Variants in PRLR observed in about 807,000 individuals in gnomAD.
PRLR encodes the protein prolactin receptor.
A neutral mutation model predicts 40.2 loss-of-function variants in PRLR; 13 were observed. The ratio of observed to expected loss-of-function variants is 0.32; its 90% CI spans 0.21 to 0.51. PRLR has a LOEUF of 0.51. PRLR is among the 20% of genes least tolerant of loss of function. PRLR has a pLI of 0.97. For missense variants in PRLR, 656 were observed against 747.3 expected (o/e 0.88, Z 1.42); for synonymous variants, 269 against 278.7 (o/e 0.97, Z 0.35).
intron 2 of PRLR, among the ~76,000 whole-genome samples, chr5:35,113,274 TATCCATCC>T (rs146132323): frequency 0.045 from 6,103 of 135,924 alleles, 377 homozygotes; most frequent in East Asian, 0.16. Context: ...CCCACCCATT[TATCCATCC>T]ATCCATCCAT....
chr5:35,149,114 C>A (rs1774270821), intron 1 of PRLR, among the ~76,000 whole-genome samples: 1 of 152,106 alleles, frequency 6.6e-6, no homozygotes, highest in Non-Finnish European at 1.5e-5. Flanking sequence ...TAATCTTTAT[C>A]TGAAATTCTT....
intron 2 of PRLR, among the ~76,000 whole-genome samples, chr5:35,099,659 G>A (rs1771744222): frequency 6.6e-6 from 1 of 152,140 alleles, no homozygotes; most frequent in African/African-American, 2.4e-5. Context: ...AACTTCAAGT[G>A]GGACAAGATG....
At chr5:35,175,298 A>C (rs1775114977) in intron 1 of PRLR, among the ~76,000 whole-genome samples, 1 of 152,196 alleles carries the variant, frequency 6.6e-6, no homozygotes, top group African/African-American at 2.4e-5. Context: ...TCCCTGCACA[A>C]GCTCTCTCTC....
chr5:35,216,340 G>T (rs554567548), intron 1 of PRLR, among the ~76,000 whole-genome samples: 38 of 152,088 alleles, frequency 2.5e-4, no homozygotes, highest in Admixed American at 2.2e-3. Flanking sequence ...TCTCAGGAAG[G>T]TTCAGTTTGG....
intron 1 of PRLR, among the ~76,000 whole-genome samples, chr5:35,219,998 C>T (rs926488943): frequency 2.0e-5 from 3 of 152,160 alleles, no homozygotes; most frequent in Non-Finnish European, 4.4e-5. Flanking sequence ...GAATCCAACA[C>T]CTCTTCCACC....
intron 1 of PRLR, among the ~76,000 whole-genome samples, chr5:35,124,634 C>T (rs184682270): frequency 1.4e-4 from 21 of 152,214 alleles, no homozygotes; most frequent in African/African-American, 4.8e-4. Flanking sequence ...AAAAGAAGTT[C>T]CTTGTACGAA....
chr5:35,132,068 C>T (rs1773702299), intron 1 of PRLR, among the ~76,000 whole-genome samples: 1 of 152,202 alleles, frequency 6.6e-6, no homozygotes, highest in Non-Finnish European at 1.5e-5. Context: ...AATCCTCACT[C>T]TGGCTTTGAT....
intron 1 of PRLR, among the ~76,000 whole-genome samples, chr5:35,210,885 A>AT (rs1776152409): frequency 6.6e-6 from 1 of 151,872 alleles, no homozygotes; most frequent in South Asian, 2.1e-4. Flanking sequence ...TAATTTTTTA[A>AT]TTTTTTTGTA....
chr5:35,206,442 C>T (rs958334420), intron 1 of PRLR, among the ~76,000 whole-genome samples: 1 of 151,942 alleles, frequency 6.6e-6, no homozygotes, highest in Non-Finnish European at 1.5e-5. Flanking sequence ...TGTTGCTGAA[C>T]AGATCACATA....
intron 9 of PRLR, among the ~76,000 whole-genome samples, chr5:35,067,467 A>T (rs761468540): frequency 2.6e-5 from 4 of 152,090 alleles, no homozygotes; most frequent in East Asian, 1.9e-4. Context: ...GATATTTGCA[A>T]CCAAAGTGAA....
chr5:35,165,000 T>G (rs1305905813), intron 1 of PRLR, among the ~76,000 whole-genome samples: 1 of 152,100 alleles, frequency 6.6e-6, no homozygotes, highest in Non-Finnish European at 1.5e-5. Flanking sequence ...AAATAAAGAG[T>G]CCCCTTAGTA....
intron 1 of PRLR, among the ~76,000 whole-genome samples, chr5:35,137,261 A>C (rs528663351): frequency 4.6e-5 from 7 of 152,348 alleles, no homozygotes; most frequent in African/African-American, 1.7e-4. Flanking sequence ...AAGTGACTGG[A>C]CTGTAGTTTG....
chr5:35,113,457 CCA>C (rs1328809907), intron 2 of PRLR, among the ~76,000 whole-genome samples: 6 of 136,672 alleles, frequency 4.4e-5, no homozygotes, highest in Non-Finnish European at 6.2e-5. Context: ...ACCTATCCAT[CCA>C]TCCATCCATC....
intron 1 of PRLR, among the ~76,000 whole-genome samples, chr5:35,222,924 T>A (rs543167817): frequency 3.5e-4 from 53 of 152,288 alleles, no homozygotes; most frequent in Admixed American, 2.0e-3. Flanking sequence ...TTAGGCATGA[T>A]AATAAAGCCC....
chr5:35,184,815 C>T (rs1775382697), intron 1 of PRLR, among the ~76,000 whole-genome samples: 3 of 152,330 alleles, frequency 2.0e-5, no homozygotes, highest in South Asian at 4.1e-4. Flanking sequence ...ACACAAGTAT[C>T]CACAAGGCAG....
intron 1 of PRLR, among the ~76,000 whole-genome samples, chr5:35,171,696 G>A (rs975604139): frequency 6.6e-6 from 1 of 152,154 alleles, no homozygotes; most frequent in African/African-American, 2.4e-5. Context: ...GAAACAGGAA[G>A]TATTTGGATA....
chr5:35,145,457 GA>G (rs1774156077), intron 1 of PRLR, among the ~76,000 whole-genome samples: 1 of 152,266 alleles, frequency 6.6e-6, no homozygotes, highest in South Asian at 2.1e-4. Flanking sequence ...AGGATTGGAT[GA>G]ATCTTTGGAG....
At chr5:35,099,898 C>T (rs1454077904) in intron 2 of PRLR, among the ~76,000 whole-genome samples, 2 of 152,034 alleles carry the variant, frequency 1.3e-5, no homozygotes, top group Non-Finnish European at 2.9e-5. Flanking sequence ...TAGTCAAGGC[C>T]AGGCACGGTG....
At chr5:35,166,497 T>G (rs1417283405) in intron 1 of PRLR, among the ~76,000 whole-genome samples, 1 of 152,146 alleles carries the variant, frequency 6.6e-6, no homozygotes, top group Non-Finnish European at 1.5e-5. Context: ...TTACATCCAT[T>G]TAGATTTGGT....
Sources: gnomAD v4.1 joint callset for allele counts (sites outside exome capture counted in the v4.1 genomes callset) on GRCh38, gnomAD v4.1.1 for gene constraint, MANE v1.5 for transcripts, NCBI Gene and HGNC (gene_info 2026-07-23, HGNC 2026-07-21) for gene names.